IRGC: variants seen among roughly 807,000 people sequenced by gnomAD.
IRGC encodes immunity related GTPase cinema.
Under a neutral mutation model 16.1 loss-of-function variants are expected in IRGC, and 4 were observed. That is an observed-to-expected ratio of 0.25 (90% CI 0.12 to 0.57). The LOEUF (loss-of-function observed/expected upper bound fraction) is 0.57, where lower values mean the gene tolerates loss of function less well. Among genes scored for constraint, IRGC ranks in the 20% least tolerant of loss-of-function variants. IRGC has a pLI of 0.92. For synonymous variants in IRGC, 307 were observed against 299.5 expected, an observed-to-expected ratio of 1.03 and a Z score of -0.26; for missense variants, 570 against 643.9, an observed-to-expected ratio of 0.89 and a Z score of 1.24.
Position 43,719,633 on chromosome 19 carries a change from C to CGTCTCAAAGGGTG in IRGC, c.1076_1077insTCTCAAAGGGTGG (p.Ala360LeufsTer7). ...GTCCGACGGCGCCATGCGGGTGGCC[C>CGTCTCAAAGGGTG]GCGCCTTTGAGAGGGGCATCCCTGT... On this transcript the variant is annotated frameshift_variant, in exon 2 of 2. Coordinates refer to ENST00000244314, the MANE Select transcript of IRGC (RefSeq NM_019612.4). LOFTEE classifies it high-confidence loss of function. 1 of 1,605,620 alleles carries CGTCTCAAAGGGTG rather than the reference C, an allele frequency of 6.2e-7. No individual in the cohort carries two copies. Among genetic ancestry groups the CGTCTCAAAGGGTG allele is most frequent in the South Asian group, 1.1e-5 (1 of 91,064 alleles).
In IRGC at chr19:43,719,333, A is replaced by G; in HGVS notation, c.775A>G (p.Lys259Glu). The G allele has an allele frequency of 6.2e-7, 1 of 1,611,926 alleles. No individual in the cohort carries two copies. Among genetic ancestry groups the G allele is most frequent in the South Asian group, 1.1e-5 (1 of 90,974 alleles). The change falls in exon 2 of 2, where the codon AAG becomes GAG. Residue 259 changes from lysine to glutamate, a missense_variant. Coordinates refer to ENST00000244314, the MANE Select transcript of IRGC (RefSeq NM_019612.4). ...PDISLEALQK[K>E]KAMLQEQVLK... ...CATCTCGCTGGAGGCCTTGCAGAAGAAGAAGGCCATGCTTCAAGAGCAAGT... is the reference window on the plus strand; with the variant it reads ...CATCTCGCTGGAGGCCTTGCAGAAGGAGAAGGCCATGCTTCAAGAGCAAGT...
chr19:43,718,275 C>A, intron 1 of IRGC: 1 of 390,738 alleles, frequency 2.6e-6, no homozygotes, highest in Non-Finnish European at 4.4e-6. Flanking sequence ...TCATTTTGCC[C>A]CTGGTCACAC....
intron 1 of IRGC, among the ~76,000 whole-genome samples, chr19:43,718,074 C>A (rs1432378230): frequency 1.3e-5 from 2 of 152,060 alleles, no homozygotes; most frequent in Non-Finnish European, 1.5e-5. Flanking sequence ...CTCAAACAAA[C>A]AAACAAACAA....
intron 1 of IRGC, among the ~76,000 whole-genome samples, chr19:43,717,840 C>A (rs80238730): frequency 0.025 from 3,750 of 152,286 alleles, 47 homozygotes; most frequent in Non-Finnish European, 0.029. Context: ...GAAGCTGAGG[C>A]AGGAGGACCT....
In IRGC at chr19:43,718,715, A is replaced by C; in HGVS notation, c.157A>C (p.Ile53Leu). 1 of 1,613,488 alleles carries C rather than the reference A, an allele frequency of 6.2e-7. No homozygotes were observed. The highest frequency in any genetic ancestry group is 1.1e-5 in the South Asian group (1 of 91,064). The change falls in exon 2 of 2, where the codon ATC (isoleucine) becomes CTC (leucine). Residue 53 changes from isoleucine to leucine, a missense_variant. Coordinates refer to ENST00000244314, the MANE Select transcript of IRGC (RefSeq NM_019612.4). The stretch of plus-strand genomic sequence containing the variant: ...GGAGCTGCTGGCCTCCACGGAAAGC[A>C]TCCGCCTGGAGGTGGGCGTCACGGG... ...LQELLASTES[I>L]RLEVGVTGES...
At position 43,719,574 on chromosome 19, in the gene IRGC, C is replaced by T. The variant is rs201214577; in HGVS notation, c.1016C>T (p.Ser339Leu). The T allele has an allele frequency of 3.8e-5, 61 of 1,602,238 alleles. No individual in the cohort carries two copies. Among genetic ancestry groups the T allele is most frequent in the Non-Finnish European group, 4.6e-5 (54 of 1,179,778 alleles). ...VIRSPLANEV[S>L]PETVLRLYSQ... Reference sequence around the variant, plus strand: ...CGCTCCCCACTGGCCAACGAGGTCTCGCCTGAGACTGTCCTGCGGCTCTAT... The same window carrying T: ...CGCTCCCCACTGGCCAACGAGGTCTTGCCTGAGACTGTCCTGCGGCTCTAT... Residue 339 changes from serine to leucine, a missense_variant, in exon 2 of 2, where the codon TCG (serine) becomes TTG (leucine). Ser to Leu is a moderately radical substitution (Grantham distance 145). Coordinates refer to ENST00000244314, the MANE Select transcript of IRGC (RefSeq NM_019612.4).
chr19:43,718,230 G>A (rs1968199225), intron 1 of IRGC: 2 of 273,882 alleles, frequency 7.3e-6, no homozygotes, highest in South Asian at 7.9e-5. Context: ...CCAAGAGGCT[G>A]CTTGGTGGTC....
In IRGC at chr19:43,719,083, G is replaced by A. The variant is rs1328497131; in HGVS notation, c.525G>A (p.Ala175=). 4.3e-6 allele frequency: 7 copies of A among 1,610,600 alleles called. No homozygotes were observed. The East Asian group carries it at 1.1e-4, about 26-fold the overall frequency. ...FVRTKVDEDL[A]ATRTQRPSGF... is the part of the protein sequence containing the mutation. ...GCACCAAGGTGGACGAGGACCTGGC[G>A]GCCACGCGCACCCAGCGGCCGTCGG... The change falls in exon 2 of 2, where the codon GCG becomes GCA. Residue 175 remains alanine, a synonymous_variant. Transcript: ENST00000244314.
In IRGC at chr19:43,719,153, G is replaced by A. The variant is rs866180953; in HGVS notation, c.595G>A (p.Ala199Thr). 22 of 1,610,262 alleles carry A rather than the reference G, an allele frequency of 1.4e-5. No individual in the cohort carries two copies. The highest frequency in any genetic ancestry group is 1.7e-5 in the Non-Finnish European group (20 of 1,179,694). ...AVLQEIRDHC[A>T]ERLREAGVAD... Reference sequence around the variant, plus strand: ...CCTGCAGGAGATCCGAGACCACTGTGCCGAGCGGCTGCGGGAGGCCGGCGT... The same window carrying A: ...CCTGCAGGAGATCCGAGACCACTGTACCGAGCGGCTGCGGGAGGCCGGCGT... Residue 199 changes from alanine (A) to threonine (T), a missense_variant, in exon 2 of 2, where the codon GCC becomes ACC. Ala to Thr is a moderately conservative substitution (Grantham distance 58). Coordinates refer to ENST00000244314, the MANE Select transcript of IRGC (RefSeq NM_019612.4).
chr19:43,719,047 C>T lies in IRGC; in HGVS notation c.489C>T (p.Phe163=), dbSNP rs1348535840. ...AAEILCQGKK[F]YFVRTKVDED... is the part of the protein sequence containing the mutation. The stretch of plus-strand genomic sequence containing the variant: ...AGATCCTGTGCCAGGGCAAGAAGTT[C>T]TACTTTGTGCGCACCAAGGTGGACG... The change falls in exon 2 of 2, where the codon TTC becomes TTT. Residue 163 remains phenylalanine, a synonymous_variant. Coordinates refer to ENST00000244314, the MANE Select transcript of IRGC (RefSeq NM_019612.4). 1.2e-6 allele frequency: 2 copies of T among 1,612,746 alleles called. No individual in the cohort carries two copies.
chr19:43,717,973 G>A (rs1568585468), intron 1 of IRGC, among the ~76,000 whole-genome samples: 1 of 152,226 alleles, frequency 6.6e-6, no homozygotes, highest in Non-Finnish European at 1.5e-5. Flanking sequence ...GGAGGCTGAG[G>A]TGGGAGGATT....
In IRGC at chr19:43,719,664, G is replaced by A; in HGVS notation, c.1106G>A (p.Gly369Glu). Residue 369 changes from glycine to glutamate, a missense_variant, in exon 2 of 2, where the codon GGG becomes GAG. By Grantham distance (98) the Gly-to-Glu change is moderately conservative (BLOSUM62 -2). Coordinates refer to ENST00000244314, the MANE Select transcript of IRGC (RefSeq NM_019612.4). ...TTTGAGAGGGGCATCCCTGTGTTTG[G>A]GACGCTGGTGGCTGGCGGCATCAGC... ...RAFERGIPVF[G>E]TLVAGGISFG... 6.2e-7 allele frequency: 1 copy of A among 1,609,144 alleles called. No individual in the cohort carries two copies. The highest frequency in any genetic ancestry group is 8.5e-7 in the Non-Finnish European group (1 of 1,179,952).
Position 43,718,877 on chromosome 19 carries a change from G to T in IRGC, c.319G>T (p.Val107Leu), listed in dbSNP as rs372481323. ...SPYPHPQFPD[V>L]TLWDLPGAGS... Reference sequence around the variant, plus strand: ...CTATCCACACCCACAGTTCCCTGACGTGACCCTCTGGGACCTGCCAGGAGC... The same window carrying T: ...CTATCCACACCCACAGTTCCCTGACTTGACCCTCTGGGACCTGCCAGGAGC... The change falls in exon 2 of 2, where the codon GTG becomes TTG. Residue 107 changes from valine to leucine, a missense_variant. Physicochemically the swap from Val to Leu is conservative, Grantham distance 32. Coordinates refer to ENST00000244314, the MANE Select transcript of IRGC (RefSeq NM_019612.4). 5.3e-5 allele frequency: 85 copies of T among 1,613,336 alleles called. No homozygotes were observed. In the Middle Eastern group the frequency reaches 8.2e-4, roughly 16 times the overall value.
Position 43,719,486 on chromosome 19 carries a change from G to T in IRGC, c.928G>T (p.Asp310Tyr), listed in dbSNP as rs758855988. 1 of 1,603,960 alleles carries T rather than the reference G, an allele frequency of 6.2e-7. No homozygotes were observed. The highest frequency in any genetic ancestry group is 8.5e-7 in the Non-Finnish European group (1 of 1,178,454). ...CCACCGCAGCTTTGGTCTGGACGAC[G>T]ACTCGCTGGCCAAGCTGGCCGAGCA... ...GYHRSFGLDD[D>Y]SLAKLAEQVG... The change falls in exon 2 of 2, where the codon GAC (aspartate) becomes TAC (tyrosine). Residue 310 changes from aspartate (D) to tyrosine (Y), a missense_variant. By Grantham distance (160) the Asp-to-Tyr change is radical (BLOSUM62 -3). Transcript: ENST00000244314.
chr19:43,718,347 CTT>C (rs2146334259), intron 1 of IRGC, 144 bp from the exon 2 acceptor site: 1 of 1,016,248 alleles, frequency 9.8e-7, no homozygotes, highest in African/African-American at 1.7e-5. Context: ...AGCCCTCTAA[CTT>C]GTGCCAAAAA....
intron 1 of IRGC, among the ~76,000 whole-genome samples, chr19:43,716,668 G>C (rs368461017): frequency 2.6e-5 from 4 of 152,148 alleles, no homozygotes; most frequent in Admixed American, 2.0e-4. Flanking sequence ...ATATTTCTGT[G>C]GGGGGTGGAG....
Position 43,719,511 on chromosome 19 carries a change from A to G in IRGC, c.953A>G (p.Gln318Arg), listed in dbSNP as rs771836583. ...GACTCGCTGGCCAAGCTGGCCGAGC[A>G]GGTGGGCAAACAGGCAGGTGACCTG... Reference protein sequence around the residue: ...DDDSLAKLAEQVGKQAGDLRS... With the variant: ...DDDSLAKLAERVGKQAGDLRS... The change falls in exon 2 of 2, where the codon CAG becomes CGG. Residue 318 changes from glutamine to arginine, a missense_variant. Coordinates refer to ENST00000244314, the MANE Select transcript of IRGC (RefSeq NM_019612.4). 1.0e-5 allele frequency: 16 copies of G among 1,604,034 alleles called. No homozygotes were observed. Among genetic ancestry groups the G allele is most frequent in the Non-Finnish European group, 1.4e-5 (16 of 1,179,352 alleles).
In IRGC at chr19:43,718,804, T is replaced by C. The variant is rs141926665; in HGVS notation, c.246T>C (p.Pro82=). 18 of 1,612,800 alleles carry C rather than the reference T, an allele frequency of 1.1e-5. No individual in the cohort carries two copies. The African/African-American group carries it at 1.7e-4, about 16-fold the overall frequency. ...TGCGTGGCCTGGAGGCCGAGGACCC[T>C]GGCGCGGCTCTCACGGGCGTCATGG... ...NALRGLEAED[P]GAALTGVMET... is the part of the protein sequence containing the mutation. The change falls in exon 2 of 2, where the codon CCT becomes CCC. Residue 82 remains proline, a synonymous_variant. Transcript: ENST00000244314.
intron 1 of IRGC, among the ~76,000 whole-genome samples, chr19:43,716,595 C>T (rs529014441): frequency 1.4e-4 from 22 of 152,296 alleles, no homozygotes; most frequent in African/African-American, 4.6e-4. Context: ...ACCTCGGCCT[C>T]CCAAAGTGCT....
Sources: gnomAD v4.1 joint callset for allele counts (sites outside exome capture counted in the v4.1 genomes callset) on GRCh38, gnomAD v4.1.1 for gene constraint, MANE v1.5 for transcripts, NCBI Gene and HGNC (gene_info 2026-07-23, HGNC 2026-07-21) for gene names.